CSTF1: variants seen among roughly 807,000 people sequenced by gnomAD.
The protein encoded by CSTF1 is cleavage stimulation factor subunit 1.
A neutral mutation model predicts 40.9 loss-of-function variants in CSTF1; 2 were observed. That is an observed-to-expected ratio of 0.05 (90% confidence interval 0.02 to 0.15). The LOEUF (loss-of-function observed/expected upper bound fraction) is 0.15, where lower values mean the gene tolerates loss of function less well. Among genes scored for constraint, CSTF1 ranks in the 10% least tolerant of loss-of-function variants. The probability of loss-of-function intolerance (pLI) is 1.00; values close to 1 mark genes in which losing one functional copy is unlikely to be tolerated. For synonymous variants in CSTF1, 218 were observed against 207.2 expected, an observed-to-expected ratio of 1.05 and a Z score of -0.45; for missense variants, 279 against 558.9, an observed-to-expected ratio of 0.50 and a Z score of 5.05.
In CSTF1 at chr20:56,399,448, A is replaced by G. The variant is rs1978360001; in HGVS notation, c.1036+91A>G. 1.7e-6 allele frequency: 2 copies of G among 1,147,956 alleles called. No homozygotes were observed. The highest frequency in any genetic ancestry group is 1.5e-5 in the South Asian group (1 of 67,390). 71.1% of individuals were successfully genotyped at this position (1,147,956 alleles called of 1,614,324 possible). A position where few individuals can be genotyped will look rare whatever the true frequency, so the allele number is the denominator to read the frequency against. ...AGACCTCACAATAGAGCAACACAAT[A>G]TCTATGCATTGAGCAAGGCAGATGT... On this transcript the variant is annotated intron_variant, in intron 5 of 5. Coordinates refer to ENST00000217109, the MANE Select transcript of CSTF1 (RefSeq NM_001324.3). This position sits in a 1 kb window ranked among gnomAD's most constrained non-coding sequence, Gnocchi z 4.6.
Position 56,393,279 on chromosome 20 carries a change from C to T in CSTF1, c.-33+566C>T, listed in dbSNP as rs1987368041. On this transcript the variant is annotated intron_variant, in intron 1 of 5. Coordinates refer to ENST00000217109, the MANE Select transcript of CSTF1 (RefSeq NM_001324.3). ...CAAAAATGGCTTCCCTCCATCCTTC[C>T]AGGTACCTTATTAGGACTAAGAGTT... Among the ~76,000 whole-genome samples, 3 of 151,880 alleles carry T rather than the reference C, an allele frequency of 2.0e-5. 1 individual carries two copies. The South Asian group carries it at 6.2e-4, about 32-fold the overall frequency.
chr20:56,395,602 T>C lies in CSTF1; in HGVS notation c.50T>C (p.Leu17Pro). The change falls in exon 2 of 6, where the codon CTG becomes CCG. Residue 17 changes from leucine (L) to proline (P), a missense_variant. By Grantham distance (98) the Leu-to-Pro change is moderately conservative (BLOSUM62 -3). This residue lies in a region of CSTF1 where 51 missense variants were observed against 55.0 expected (regional missense o/e 0.93). Coordinates refer to ENST00000217109, the MANE Select transcript of CSTF1 (RefSeq NM_001324.3). ...GLKDRQQLYK[L>P]IISQLLYDGY... ...AAGGACCGCCAGCAGCTCTACAAGC[T>C]GATCATTAGCCAGCTGCTATATGAC... The C allele has an allele frequency of 6.2e-7, 1 of 1,614,186 alleles. No homozygotes were observed. Among genetic ancestry groups the C allele is most frequent in the Non-Finnish European group, 8.5e-7 (1 of 1,180,032 alleles).
At position 56,399,078 on chromosome 20, in the gene CSTF1, G is replaced by A; in HGVS notation, c.757G>A (p.Val253Ile). 6.2e-7 allele frequency: 1 copy of A among 1,613,932 alleles called. No individual in the cohort carries two copies. Among genetic ancestry groups the A allele is most frequent in the Non-Finnish European group, 8.5e-7 (1 of 1,179,978 alleles). The change falls in exon 5 of 6, where the codon GTC (valine) becomes ATC (isoleucine). Residue 253 changes from valine to isoleucine, a missense_variant. Physicochemically the swap from Val to Ile is conservative, Grantham distance 29. Around this residue, in one of 4 missense-constraint regions of CSTF1, gnomAD observed 162 missense variants for 337.1 expected, o/e 0.48. Transcript: ENST00000217109. This position sits in a 1 kb window ranked among gnomAD's most constrained non-coding sequence, Gnocchi z 4.6. The part of the protein sequence containing the change: ...LYDINTFQCF[V>I]SCNPQDQHTD... ...TGATATCAACACCTTTCAATGTTTT[G>A]TCTCTTGCAATCCTCAAGATCAACA...
Position 56,400,615 on chromosome 20 carries a change from G to A in CSTF1, c.1036+1258G>A, listed in dbSNP as rs527305499. Among the ~76,000 whole-genome samples the A allele has an allele frequency of 1.6e-3, 249 of 152,260 alleles. 2 individuals carry two copies. Among genetic ancestry groups the A allele is most frequent in the African/African-American group, 5.8e-3 (239 of 41,538 alleles). On this transcript the variant is annotated intron_variant, in intron 5 of 5. Coordinates refer to ENST00000217109, the MANE Select transcript of CSTF1 (RefSeq NM_001324.3). ...GATTGGCTTGTTTTAGTGGGGAATAGCAGTGTGGTTTTTCAAAAATGTGAT... is the reference window on the plus strand; with the variant it reads ...GATTGGCTTGTTTTAGTGGGGAATAACAGTGTGGTTTTTCAAAAATGTGAT...
chr20:56,398,049 AT>A (rs1978320485), intron 4 of CSTF1, among the ~76,000 whole-genome samples: 1 of 152,150 alleles, frequency 6.6e-6, no homozygotes, highest in African/African-American at 2.4e-5. Flanking sequence ...GTCAGAGTTT[AT>A]AATCTGACCC....
At position 56,404,267 on chromosome 20, in the gene CSTF1, T is replaced by C. The variant is rs1362001862; in HGVS notation, c.*540T>C. On this transcript the variant is annotated 3_prime_UTR_variant, in exon 6 of 6. Coordinates refer to ENST00000217109, the MANE Select transcript of CSTF1 (RefSeq NM_001324.3). ...GCTCAGATCTGCAACTTTATTGTTA[T>C]ATATTTTTCACTTCTGTAAAATTAA... is the stretch of plus-strand genomic sequence containing the variant. The C allele has an allele frequency of 6.6e-6, 1 of 152,600 alleles. No individual in the cohort carries two copies. The highest frequency in any genetic ancestry group is 2.4e-5 in the African/African-American group (1 of 41,470). 9.5% of individuals were successfully genotyped at this position (152,600 alleles called of 1,614,324 possible). A position where few individuals can be genotyped will look rare whatever the true frequency, so the allele number is the denominator to read the frequency against.
intron 1 of CSTF1, among the ~76,000 whole-genome samples, chr20:56,395,050 T>A (rs1269054371): frequency 6.6e-6 from 1 of 152,198 alleles, no homozygotes; most frequent in Non-Finnish European, 1.5e-5. Flanking sequence ...GTTTTGAGAA[T>A]GAGCATAAAA....
In CSTF1 at chr20:56,405,073, C is replaced by T. The variant is rs1978648883; in HGVS notation, c.*1346C>T. On this transcript the variant is annotated 3_prime_UTR_variant, in exon 6 of 6. Transcript: ENST00000217109. Reference sequence around the variant, plus strand: ...AACATAAACTTTGCTTTATATTTATCCCAAAAAACAAATACCTTATGATCT... The same window carrying T: ...AACATAAACTTTGCTTTATATTTATTCCAAAAAACAAATACCTTATGATCT... 6.6e-6 allele frequency: 1 copy of T among 151,832 alleles called. No homozygotes were observed. Among genetic ancestry groups the T allele is most frequent in the African/African-American group, 2.4e-5 (1 of 41,284 alleles). The allele number at this position is 151,832 out of a possible 1,614,324, so 9.4% of individuals were successfully genotyped here. A position where few individuals can be genotyped will look rare whatever the true frequency, so the allele number is the denominator to read the frequency against.
intron 1 of CSTF1, among the ~76,000 whole-genome samples, chr20:56,392,998 G>A (rs1381507163): frequency 6.6e-6 from 1 of 152,066 alleles, no homozygotes; most frequent in Non-Finnish European, 1.5e-5. Flanking sequence ...GATGTATCCG[G>A]TCCTGGATCG....
At chr20:56,398,075 AATCCAT>A (rs1221745506) in intron 4 of CSTF1, among the ~76,000 whole-genome samples, 1 of 152,132 alleles carries the variant, frequency 6.6e-6, no homozygotes, top group Middle Eastern at 3.2e-3. Context: ...GAGGGTTTGG[AATCCAT>A]ATCACTCTCT....
At chr20:56,403,162 T>TC (rs1978539057) in intron 5 of CSTF1, among the ~76,000 whole-genome samples, 1 of 152,040 alleles carries the variant, frequency 6.6e-6, no homozygotes, top group African/African-American at 2.4e-5. Context: ...CTTCAGGTGA[T>TC]CTGGTGATCT....
chr20:56,396,480 T>C (rs1987521238), intron 2 of CSTF1, among the ~76,000 whole-genome samples: 1 of 152,192 alleles, frequency 6.6e-6, no homozygotes, highest in Non-Finnish European at 1.5e-5. Flanking sequence ...AGATACACTT[T>C]TGTTCTGCTT....
At chr20:56,396,026 T>A (rs1987508986) in intron 2 of CSTF1, 1 of 246,274 alleles carries the variant, frequency 4.1e-6, no homozygotes. Flanking sequence ...CTGAGTTCTC[T>A]TAACTCCTCC....
rs199553571 is a variant in CSTF1, at chr20:56,403,652, C to G, written c.1221C>G (p.Pro407=). The change falls in exon 6 of 6, where the codon CCC becomes CCG. Residue 407 remains proline (P), a synonymous_variant. Transcript: ENST00000217109. ...NNIVRCIVHS[P]TNPGFMTCSD... is the part of the protein sequence containing the mutation. ...TTGTACGCTGCATAGTGCACTCCCC[C>G]ACCAACCCCGGGTTCATGACGTGCA... 21 of 1,613,962 alleles carry G rather than the reference C, an allele frequency of 1.3e-5. No homozygotes were observed. The highest frequency in any genetic ancestry group is 1.1e-4 in the African/African-American group (8 of 74,884).
intron 1 of CSTF1, among the ~76,000 whole-genome samples, chr20:56,393,775 CAT>C (rs1367838194): frequency 6.6e-6 from 1 of 152,244 alleles, no homozygotes; most frequent in Non-Finnish European, 1.5e-5. Flanking sequence ...TCTAATCTCT[CAT>C]GTGATCCGAG....
In CSTF1 at chr20:56,405,380, A is replaced by G. The variant is rs11905070; in HGVS notation, c.*1653A>G. 30,489 of 150,866 alleles carry G rather than the reference A, an allele frequency of 0.2. 4,419 individuals carry two copies. Among genetic ancestry groups the G allele is most frequent in the African/African-American group, 0.41 (16,975 of 41,086 alleles). The allele number at this position is 150,866 out of a possible 1,614,324, so 9.3% of individuals were successfully genotyped here. A position where few individuals can be genotyped will look rare whatever the true frequency, so the allele number is the denominator to read the frequency against. On this transcript the variant is annotated 3_prime_UTR_variant, in exon 6 of 6. Coordinates refer to ENST00000217109, the MANE Select transcript of CSTF1 (RefSeq NM_001324.3). ...CGCCACCATGCCCGGCTAATTTTGT[A>G]TTTTTTTTAGTAGAGACGGGGTTTC... is the stretch of plus-strand genomic sequence containing the variant.
intron 4 of CSTF1, among the ~76,000 whole-genome samples, chr20:56,398,717 G>C (rs965241056): frequency 1.3e-5 from 2 of 152,188 alleles, no homozygotes; most frequent in African/African-American, 4.8e-5. Context: ...TTTACTCAGT[G>C]TTCATTTGTA....
At chr20:56,398,830 T>A in intron 4 of CSTF1, 137 bp from the exon 5 acceptor site, 1 of 786,550 alleles carries the variant, frequency 1.3e-6, no homozygotes, top group Non-Finnish European at 1.9e-6. Flanking sequence ...CAGAAAGCAC[T>A]TTTTTTCTTA....
chr20:56,398,125 G>A (rs527891462), intron 4 of CSTF1, among the ~76,000 whole-genome samples: 2 of 152,156 alleles, frequency 1.3e-5, no homozygotes, highest in South Asian at 4.1e-4. Context: ...AACAAAACAC[G>A]ACCAGCTTCA....
Sources: gnomAD v4.1 joint callset for allele counts (sites outside exome capture counted in the v4.1 genomes callset) on GRCh38, gnomAD v4.1.1 for gene constraint, gnomAD v4.1.1 regional missense constraint, Gnocchi (gnomAD v3.1) non-coding constraint, MANE v1.5 for transcripts, NCBI Gene and HGNC (gene_info 2026-07-23, HGNC 2026-07-21) for gene names.